Variants in RNF187 observed in about 807,000 individuals in gnomAD.
The protein encoded by RNF187 is E3 ubiquitin-protein ligase RNF187.
In RNF187, 18 loss-of-function variants were observed where a neutral mutation model predicts 22.2. The observed-to-expected ratio is 0.81, with a 90% CI of 0.56 to 1.20. RNF187 has a LOEUF of 1.20. Ranked by LOEUF, RNF187 falls within the 50% of genes most tolerant of loss-of-function variation. The pLI is 0.00. For missense variants in RNF187, 329 were observed against 317.6 expected (o/e 1.04, Z -0.27); for synonymous variants, 164 against 140.9 (o/e 1.16, Z -1.16).
chr1:228,495,501 G>C lies in RNF187; in HGVS notation c.*1616G>C. ...AGCACGCCAACAACATCCCGACCCT[G>C]AGACCTCCAGTTTGTCTTTCTCACT... On this transcript the variant is annotated 3_prime_UTR_variant, in exon 4 of 4. Coordinates refer to ENST00000305943, the MANE Select transcript of RNF187 (RefSeq NM_001010858.3). 6 of 985,434 alleles carry C rather than the reference G, an allele frequency of 6.1e-6. No individual in the cohort carries two copies. The highest frequency in any genetic ancestry group is 7.2e-6 in the Non-Finnish European group (6 of 829,970). The allele number at this position is 985,434 out of a possible 1,614,324, so 61.0% of individuals were successfully genotyped here.
chr1:228,493,335 G>A lies in RNF187; in HGVS notation c.705+61G>A. 6.6e-7 allele frequency: 1 copy of A among 1,506,678 alleles called. No individual in the cohort carries two copies. The highest frequency in any genetic ancestry group is 1.4e-5 in the African/African-American group (1 of 72,334). The allele number at this position is 1,506,678 out of a possible 1,614,324, so 93.3% of individuals were successfully genotyped here. ...CCAGGGTGGACGCAGGCAGCAGCGAGCCATTGGGGGACCATTGCCCGAAGT... is the reference window on the plus strand; with the variant it reads ...CCAGGGTGGACGCAGGCAGCAGCGAACCATTGGGGGACCATTGCCCGAAGT... On this transcript the variant is annotated intron_variant, in intron 3 of 3. Coordinates refer to ENST00000305943, the MANE Select transcript of RNF187 (RefSeq NM_001010858.3). This position sits in a 1 kb window ranked among gnomAD's most constrained non-coding sequence, Gnocchi z 4.7.
intron 2 of RNF187, among the ~76,000 whole-genome samples, chr1:228,492,017 A>G: frequency 6.6e-6 from 1 of 152,168 alleles, no homozygotes; most frequent in Non-Finnish European, 1.5e-5. Context: ...ATTTGCTTTT[A>G]AGAAGCAGAA....
At position 228,487,558 on chromosome 1, in the gene RNF187, C is replaced by T; in HGVS notation, c.70C>T (p.Arg24Cys). The change falls in exon 1 of 4, where the codon CGC (arginine) becomes TGC (cysteine). Residue 24 changes from arginine (R) to cysteine (C), a missense_variant. Transcript: ENST00000305943. Reference sequence around the variant, plus strand: ...CCAGCGCGCGCCCCGGGAACCGGTGCGCGCCGACTGCGGCCACCGCTTCTG... The same window carrying T: ...CCAGCGCGCGCCCCGGGAACCGGTGTGCGCCGACTGCGGCCACCGCTTCTG... 8.0e-7 allele frequency: 1 copy of T among 1,244,418 alleles called. No individual in the cohort carries two copies. The highest frequency in any genetic ancestry group is 3.3e-5 in the Admixed American group (1 of 30,612). 77.1% of individuals were successfully genotyped at this position (1,244,418 alleles called of 1,614,324 possible).
intron 2 of RNF187, among the ~76,000 whole-genome samples, chr1:228,492,642 T>C: frequency 8.3e-6 from 1 of 120,446 alleles, no homozygotes; most frequent in Non-Finnish European, 1.6e-5. Context: ...TTTTTTTTTT[T>C]TGAGATGGAG....
intron 2 of RNF187, among the ~76,000 whole-genome samples, chr1:228,491,405 A>AT: frequency 4.2e-4 from 63 of 150,080 alleles, no homozygotes; most frequent in African/African-American, 1.3e-3. Flanking sequence ...AAAAAAAAAA[A>AT]AAAATAAAGG....
chr1:228,487,678 G>C lies in RNF187; in HGVS notation c.190G>C (p.Gly64Arg), dbSNP rs1205024598. 18 of 1,101,680 alleles carry C rather than the reference G, an allele frequency of 1.6e-5. No homozygotes were observed. The highest frequency in any genetic ancestry group is 2.0e-5 in the Non-Finnish European group (18 of 903,658). The allele number at this position is 1,101,680 out of a possible 1,614,324, so 68.2% of individuals were successfully genotyped here. A position where few individuals can be genotyped will look rare whatever the true frequency, so the allele number is the denominator to read the frequency against. The stretch of plus-strand genomic sequence containing the variant: ...CTGCTGGCAGCGCGCCGTGGAGCCC[G>C]GCAGGCCCCCGCTCAGCCGCCGCCT... The change falls in exon 1 of 4, where the codon GGC becomes CGC. Residue 64 changes from glycine (G) to arginine (R), a missense_variant. Physicochemically the swap from Gly to Arg is moderately radical, Grantham distance 125. Coordinates refer to ENST00000305943, the MANE Select transcript of RNF187 (RefSeq NM_001010858.3).
intron 2 of RNF187, among the ~76,000 whole-genome samples, chr1:228,491,399 A>AT: frequency 0.015 from 2,319 of 150,514 alleles, 70 homozygotes; most frequent in African/African-American, 0.054. Flanking sequence ...AAAAAAAAAA[A>AT]AAAAAAAAAA....
intron 2 of RNF187, among the ~76,000 whole-genome samples, chr1:228,489,917 A>G: frequency 2.0e-5 from 3 of 152,168 alleles, no homozygotes; most frequent in Non-Finnish European, 4.4e-5. Context: ...AGACATTCAG[A>G]CCAGAGCAGC....
rs755083821 is a variant in RNF187 at position 228,493,220 on chromosome 1, G to C, written c.651G>C (p.Ala217=). 1 of 1,551,602 alleles carries C rather than the reference G, an allele frequency of 6.4e-7. No homozygotes were observed. Residue 217 remains alanine, a synonymous_variant, in exon 3 of 4, where the codon GCG becomes GCC. Coordinates refer to ENST00000305943, the MANE Select transcript of RNF187 (RefSeq NM_001010858.3). The surrounding 1 kb of genome is among the most constrained non-coding windows in gnomAD (Gnocchi z 4.7). ...AGCGGTTCAGGTCACTGCTGCAGGC[G>C]GTCTCGGAGCTGGAGAAGAAGCATC...
Position 228,495,634 on chromosome 1 carries a change from T to A in RNF187, c.*1749T>A. 7.1e-6 allele frequency: 7 copies of A among 985,440 alleles called. No individual in the cohort carries two copies. The highest frequency in any genetic ancestry group is 8.4e-6 in the Non-Finnish European group (7 of 829,954). The allele number at this position is 985,440 out of a possible 1,614,324, so 61.0% of individuals were successfully genotyped here. A position where few individuals can be genotyped will look rare whatever the true frequency, so the allele number is the denominator to read the frequency against. On this transcript the variant is annotated 3_prime_UTR_variant, in exon 4 of 4. Transcript: ENST00000305943. Reference sequence around the variant, plus strand: ...CCTGATGGCAGAGTCTCCCACAACATCAGTGTCTCCACATCACCAGGTCCG... The same window carrying A: ...CCTGATGGCAGAGTCTCCCACAACAACAGTGTCTCCACATCACCAGGTCCG...
chr1:228,489,057 G>GT lies in RNF187; in HGVS notation c.483+6dup. 1.1e-5 allele frequency: 17 copies of GT among 1,545,730 alleles called. No homozygotes were observed. Among genetic ancestry groups the GT allele is most frequent in the Non-Finnish European group, 1.3e-5 (15 of 1,146,588 alleles). On this transcript the variant is annotated splice_donor_region_variant and intron_variant, in intron 2 of 3. Coordinates refer to ENST00000305943, the MANE Select transcript of RNF187 (RefSeq NM_001010858.3). Reference sequence around the variant, plus strand: ...TCAGCAGCTGCAGTGTGGAAGGCAAGTGGGGGGACCTGGGGCAGCCTGGAA... The same window carrying GT: ...TCAGCAGCTGCAGTGTGGAAGGCAAGTTGGGGGGACCTGGGGCAGCCTGGAA...
Position 228,495,357 on chromosome 1 carries a change from T to C in RNF187, c.*1472T>C. The C allele has an allele frequency of 2.7e-5, 14 of 519,980 alleles. No individual in the cohort carries two copies. The highest frequency in any genetic ancestry group is 6.4e-5 in the Admixed American group (1 of 15,634). The allele number at this position is 519,980 out of a possible 1,614,324, so 32.2% of individuals were successfully genotyped here. On this transcript the variant is annotated 3_prime_UTR_variant, in exon 4 of 4. Transcript: ENST00000305943. ...AGGTACCATTGAGGGTGGTCAGATA[T>C]TATGGTTAACCAAATTAGGGTTCTT...
In RNF187 at chr1:228,487,668, CGTGGAGCCCGGCA is replaced by C; in HGVS notation, c.182_194del (p.Val61GlyfsTer75). The C allele has an allele frequency of 8.9e-7, 1 of 1,125,058 alleles. No individual in the cohort carries two copies. The highest frequency in any genetic ancestry group is 1.1e-6 in the Non-Finnish European group (1 of 915,660). The allele number at this position is 1,125,058 out of a possible 1,614,324, so 69.7% of individuals were successfully genotyped here. ...GCGCCGACGACTGCTGGCAGCGCGC[CGTGGAGCCCGGCA>C]GGCCCCCGCTCAGCCGCCGCCTTCT... On this transcript the variant is annotated frameshift_variant, in exon 1 of 4. Transcript: ENST00000305943. LOFTEE classifies it high-confidence loss of function.
rs1431358348 is a variant in RNF187, at chr1:228,487,563, C to T, written c.75C>T (p.Ala25=). The T allele has an allele frequency of 1.6e-6, 2 of 1,249,022 alleles. No homozygotes were observed. Among genetic ancestry groups the T allele is most frequent in the Non-Finnish European group, 1.0e-6 (1 of 984,296 alleles). 77.4% of individuals were successfully genotyped at this position (1,249,022 alleles called of 1,614,324 possible). The change falls in exon 1 of 4, where the codon GCC becomes GCT. Residue 25 remains alanine (A), a synonymous_variant. Coordinates refer to ENST00000305943, the MANE Select transcript of RNF187 (RefSeq NM_001010858.3). The stretch of plus-strand genomic sequence containing the variant: ...GCGCGCCCCGGGAACCGGTGCGCGC[C>T]GACTGCGGCCACCGCTTCTGTCGGG...
At position 228,492,924 on chromosome 1, in the gene RNF187, A is replaced by C; in HGVS notation, c.484-129A>C. The C allele has an allele frequency of 1.8e-5, 18 of 1,022,072 alleles. No homozygotes were observed. In the South Asian group the frequency reaches 2.9e-4, roughly 16 times the overall value. The allele number at this position is 1,022,072 out of a possible 1,614,324, so 63.3% of individuals were successfully genotyped here. On this transcript the variant is annotated intron_variant, in intron 2 of 3. Coordinates refer to ENST00000305943, the MANE Select transcript of RNF187 (RefSeq NM_001010858.3). Reference sequence around the variant, plus strand: ...AAGCGTGAGCCACTGTGCCTGGCCTAATAGTCGATGTGCCTGAGCAGCATG... The same window carrying C: ...AAGCGTGAGCCACTGTGCCTGGCCTCATAGTCGATGTGCCTGAGCAGCATG...
Position 228,487,925 on chromosome 1 carries a change from C to T in RNF187, c.390+47C>T. On this transcript the variant is annotated intron_variant, in intron 1 of 3. Transcript: ENST00000305943. ...GCCCCACCCCGGACGGTGCCCTGCG[C>T]CTCTCCGCCCCCGCCCCGGTCCCCC... The T allele has an allele frequency of 8.2e-6, 9 of 1,100,640 alleles. No homozygotes were observed. The South Asian group carries it at 1.3e-4, about 16-fold the overall frequency. 68.2% of individuals were successfully genotyped at this position (1,100,640 alleles called of 1,614,324 possible). A position where few individuals can be genotyped will look rare whatever the true frequency, so the allele number is the denominator to read the frequency against.
In RNF187 at chr1:228,487,688, C is replaced by A; in HGVS notation, c.200C>A (p.Pro67Gln). 4 of 1,079,202 alleles carry A rather than the reference C, an allele frequency of 3.7e-6. No homozygotes were observed. The highest frequency in any genetic ancestry group is 3.9e-5 in the South Asian group (1 of 25,410). 66.9% of individuals were successfully genotyped at this position (1,079,202 alleles called of 1,614,324 possible). ...CGCGCCGTGGAGCCCGGCAGGCCCC[C>A]GCTCAGCCGCCGCCTTCTGGCGCTC... is the stretch of plus-strand genomic sequence containing the variant. The change falls in exon 1 of 4, where the codon CCG becomes CAG. Residue 67 changes from proline to glutamine, a missense_variant. Transcript: ENST00000305943.
At position 228,493,361 on chromosome 1, in the gene RNF187, C is replaced by T; in HGVS notation, c.705+87C>T. 6.8e-7 allele frequency: 1 copy of T among 1,479,678 alleles called. No individual in the cohort carries two copies. The highest frequency in any genetic ancestry group is 9.0e-7 in the Non-Finnish European group (1 of 1,110,858). 91.7% of individuals were successfully genotyped at this position (1,479,678 alleles called of 1,614,324 possible). A position where few individuals can be genotyped will look rare whatever the true frequency, so the allele number is the denominator to read the frequency against. The stretch of plus-strand genomic sequence containing the variant: ...CCATTGGGGGACCATTGCCCGAAGT[C>T]AAGGCTTAAAAGCCCAGCCTGACTC... On this transcript the variant is annotated intron_variant, in intron 3 of 3. Coordinates refer to ENST00000305943, the MANE Select transcript of RNF187 (RefSeq NM_001010858.3). This position sits in a 1 kb window ranked among gnomAD's most constrained non-coding sequence, Gnocchi z 4.7.
chr1:228,493,923 G>A lies in RNF187; in HGVS notation c.*38G>A. The A allele has an allele frequency of 1.3e-5, 20 of 1,551,624 alleles. No homozygotes were observed. The highest frequency in any genetic ancestry group is 1.5e-5 in the Non-Finnish European group (17 of 1,146,982). Reference sequence around the variant, plus strand: ...GTGGCAGTCCCAGAGCTGGAGGCAGGAGGATGGATCCTCATCTCCATGGGA... The same window carrying A: ...GTGGCAGTCCCAGAGCTGGAGGCAGAAGGATGGATCCTCATCTCCATGGGA... On this transcript the variant is annotated 3_prime_UTR_variant, in exon 4 of 4. Transcript: ENST00000305943. This position sits in a 1 kb window ranked among gnomAD's most constrained non-coding sequence, Gnocchi z 4.7.
Sources: gnomAD v4.1 joint callset for allele counts (sites outside exome capture counted in the v4.1 genomes callset) on GRCh38, gnomAD v4.1.1 for gene constraint, Gnocchi (gnomAD v3.1) non-coding constraint, MANE v1.5 for transcripts, NCBI Gene and HGNC (gene_info 2026-07-23, HGNC 2026-07-21) for gene names.